Variants in TMSB15A observed in about 807,000 individuals in gnomAD.
The protein encoded by TMSB15A is thymosin beta-15A.
A neutral mutation model predicts 3.2 loss-of-function variants in TMSB15A; 1 was observed. That is an observed-to-expected ratio of 0.32 (90% CI 0.11 to 1.50). The LOEUF is 1.50. Among genes scored for constraint, TMSB15A ranks in the 40% most tolerant of loss-of-function variants. TMSB15A has a pLI of 0.39. For synonymous variants in TMSB15A, 10 were observed against 11.2 expected (o/e 0.90, Z 0.21); for missense variants, 22 against 27.8 (o/e 0.79, Z 0.47).
Position 102,513,884 on chromosome X carries a change from C to A in TMSB15A, c.*203G>T. On this transcript the variant is annotated 3_prime_UTR_variant, in exon 3 of 3. Coordinates refer to ENST00000289373, the MANE Select transcript of TMSB15A (RefSeq NM_021992.3). ...TGAGATTATTGACAGCATCTGCCATCTGGAACATATGCACCAATGGTAAGT... is the reference window on the plus strand; with the variant it reads ...TGAGATTATTGACAGCATCTGCCATATGGAACATATGCACCAATGGTAAGT... 1 of 464,882 alleles carries A rather than the reference C, an allele frequency of 2.2e-6. No individual in the cohort carries two copies. The highest frequency in any genetic ancestry group is 3.8e-6 in the Non-Finnish European group (1 of 262,260). The allele number at this position is 464,882 out of a possible 1,213,427, so 38.3% of individuals were successfully genotyped here.
intron 2 of TMSB15A, among the ~76,000 whole-genome samples, chrX:102,514,574 C>A (rs1172552430): frequency 9.0e-6 from 1 of 111,478 alleles, no homozygotes; most frequent in Non-Finnish European, 1.9e-5. Flanking sequence ...TTCTGGAGGG[C>A]AAAACTGATC....
chrX:102,515,669 A>C (rs1934887854), intron 1 of TMSB15A, among the ~76,000 whole-genome samples: 1 of 110,771 alleles, frequency 9.0e-6, no homozygotes, highest in Non-Finnish European at 1.9e-5. Flanking sequence ...GAGTGGCATA[A>C]GTTGTACTAA....
rs1166398208 is a variant in TMSB15A, at chrX:102,513,862, GATT to G, written c.*222_*224del. The G allele has an allele frequency of 1.2e-4, 52 of 433,378 alleles. No homozygotes were observed. The South Asian group carries it at 1.9e-3, about 15-fold the overall frequency. 35.7% of individuals were successfully genotyped at this position (433,378 alleles called of 1,213,427 possible). A position where few individuals can be genotyped will look rare whatever the true frequency, so the allele number is the denominator to read the frequency against. The stretch of plus-strand genomic sequence containing the variant: ...CATACACAAAGGTCATCAATGGTGA[GATT>G]ATTGACAGCATCTGCCATCTGGAAC... On this transcript the variant is annotated 3_prime_UTR_variant, in exon 3 of 3. Transcript: ENST00000289373.
Position 102,513,742 on chromosome X carries a change from G to A in TMSB15A, c.*345C>T. ...AAATGCAAATAAACTGTGAAAAGCT[G>A]CAAAAGCATGCAACTTCATGAAGAT... On this transcript the variant is annotated 3_prime_UTR_variant, in exon 3 of 3. Coordinates refer to ENST00000289373, the MANE Select transcript of TMSB15A (RefSeq NM_021992.3). 1 of 207,662 alleles carries A rather than the reference G, an allele frequency of 4.8e-6. No homozygotes were observed. Among genetic ancestry groups the A allele is most frequent in the Non-Finnish European group, 8.9e-6 (1 of 112,501 alleles). 17.1% of individuals were successfully genotyped at this position (207,662 alleles called of 1,213,427 possible).
intron 1 of TMSB15A, among the ~76,000 whole-genome samples, chrX:102,516,225 C>G (rs1241746362): frequency 8.9e-6 from 1 of 112,491 alleles, no homozygotes; most frequent in Non-Finnish European, 1.9e-5. Context: ...GTAGGCCAGT[C>G]TGTCAAGAGC....
At chrX:102,514,247 G>T (rs1934870745) in intron 2 of TMSB15A, 123 bp from the exon 3 acceptor site, 1 of 772,730 alleles carries the variant, frequency 1.3e-6, no homozygotes, top group Non-Finnish European at 2.0e-6. Context: ...AGAATGCCAA[G>T]GCATTAACCA....
intron 2 of TMSB15A, among the ~76,000 whole-genome samples, chrX:102,514,372 T>C (rs1368420231): frequency 8.9e-6 from 1 of 112,037 alleles, no homozygotes; most frequent in African/African-American, 3.2e-5. Flanking sequence ...AGACATGCTG[T>C]TGCCATTTTT....
intron 2 of TMSB15A, among the ~76,000 whole-genome samples, chrX:102,514,641 G>A (rs946626359): frequency 9.0e-6 from 1 of 111,478 alleles, no homozygotes; most frequent in South Asian, 3.7e-4. Flanking sequence ...CTTGTTCATT[G>A]TCTTTATCTC....
intron 1 of TMSB15A, among the ~76,000 whole-genome samples, chrX:102,515,788 A>C (rs1343946297): frequency 9.0e-6 from 1 of 111,724 alleles, no homozygotes; most frequent in African/African-American, 3.3e-5. Flanking sequence ...AAGAAGGGAC[A>C]GCTAACTAGG....
Sources: gnomAD v4.1 joint callset for allele counts (sites outside exome capture counted in the v4.1 genomes callset) on GRCh38, gnomAD v4.1.1 for gene constraint, MANE v1.5 for transcripts, NCBI Gene and HGNC (gene_info 2026-07-23, HGNC 2026-07-21) for gene names.